Variants in CSMD1 observed in about 807,000 individuals in gnomAD.
CSMD1 encodes the protein CUB and Sushi multiple domains 1, also known as CUB and sushi domain-containing protein 1.
CSMD1 carries 213 observed loss-of-function variants against 417.5 expected under a neutral mutation model. The ratio of observed to expected loss-of-function variants is 0.51; its 90% confidence interval spans 0.46 to 0.57. The LOEUF is 0.57. CSMD1 is among the 20% of genes least tolerant of loss of function. The pLI, the probability that CSMD1 is intolerant of heterozygous loss-of-function variation, is 0.00. For missense variants in CSMD1, 6,923 were observed against 4,529.7 expected (o/e 1.53, Z -15.17); for synonymous variants, 2,862 against 1,736.8 (o/e 1.65, Z -16.11).
chr8:4,904,902 C>A (rs912698581), intron 1 of CSMD1, among the ~76,000 whole-genome samples: 11 of 152,114 alleles, frequency 7.2e-5, no homozygotes, highest in African/African-American at 2.7e-4. Context: ...TGAAAAAGAG[C>A]CTGCAAGCAC....
At chr8:3,389,743 G>A (rs145697976) in intron 17 of CSMD1, among the ~76,000 whole-genome samples, 21 of 152,202 alleles carry the variant, frequency 1.4e-4, no homozygotes, top group African/African-American at 4.1e-4. Flanking sequence ...GAGACAAACT[G>A]CGGTAGAAAT....
intron 2 of CSMD1, among the ~76,000 whole-genome samples, chr8:4,470,356 C>T (rs1161132536): frequency 6.6e-6 from 1 of 152,180 alleles, no homozygotes; most frequent in African/African-American, 2.4e-5. Context: ...TGGTTCAACT[C>T]CCAATGCTTC....
At chr8:4,608,773 G>T (rs537874301) in intron 2 of CSMD1, among the ~76,000 whole-genome samples, 2 of 152,156 alleles carry the variant, frequency 1.3e-5, no homozygotes, top group Middle Eastern at 3.2e-3. Flanking sequence ...TCAGGAGGCT[G>T]GAAAATACCT....
intron 62 of CSMD1, among the ~76,000 whole-genome samples, chr8:2,960,468 T>C (rs948050156): frequency 6.6e-6 from 1 of 152,244 alleles, no homozygotes; most frequent in Non-Finnish European, 1.5e-5. Flanking sequence ...TCCAACCAGA[T>C]AACAGTGAAG....
chr8:4,154,147 T>C (rs1172944535), intron 3 of CSMD1, among the ~76,000 whole-genome samples: 2 of 152,148 alleles, frequency 1.3e-5, no homozygotes. Flanking sequence ...GGGTGAGATA[T>C]ACAATTTTAC....
At chr8:3,931,369 G>A (rs143616041) in intron 5 of CSMD1, among the ~76,000 whole-genome samples, 1,574 of 150,450 alleles carry the variant, frequency 0.01, 107 homozygotes, top group African/African-American at 0.036. Context: ...CATTTCTCAG[G>A]CTTCTATTTG....
intron 3 of CSMD1, among the ~76,000 whole-genome samples, chr8:4,397,290 A>C (rs964922436): frequency 5.3e-5 from 8 of 152,188 alleles, no homozygotes; most frequent in African/African-American, 1.9e-4. Context: ...ACCTAAGCAG[A>C]ACATTGTTTT....
chr8:2,953,455 A>G (rs1273386585), intron 65 of CSMD1, among the ~76,000 whole-genome samples: 1 of 145,008 alleles, frequency 6.9e-6, no homozygotes, highest in Non-Finnish European at 1.5e-5. Context: ...CTTATGTCCA[A>G]AAAAAAAAAA....
At chr8:3,935,455 A>G (rs1432089824) in intron 5 of CSMD1, among the ~76,000 whole-genome samples, 1 of 152,202 alleles carries the variant, frequency 6.6e-6, no homozygotes, top group Non-Finnish European at 1.5e-5. Flanking sequence ...GCAACCCGAC[A>G]TTAAACAGGT....
chr8:3,364,251 C>T (rs968982237), intron 20 of CSMD1, among the ~76,000 whole-genome samples: 2 of 152,268 alleles, frequency 1.3e-5, no homozygotes, highest in African/African-American at 2.4e-5. Context: ...ACTCCTCTAA[C>T]ATACCTGAAG....
At chr8:3,453,134 G>A (rs1428240515) in intron 12 of CSMD1, among the ~76,000 whole-genome samples, 1 of 152,110 alleles carries the variant, frequency 6.6e-6, no homozygotes, top group Non-Finnish European at 1.5e-5. Flanking sequence ...TCTGATGGTA[G>A]TTTGTATTTC....
At chr8:3,767,854 A>G (rs768052239) in intron 5 of CSMD1, among the ~76,000 whole-genome samples, 1 of 152,208 alleles carries the variant, frequency 6.6e-6, no homozygotes, top group African/African-American at 2.4e-5. Flanking sequence ...TGGGTCAGAT[A>G]AATAAATACG....
At chr8:3,206,907 C>A (rs1036282269) in intron 30 of CSMD1, among the ~76,000 whole-genome samples, 1 of 152,028 alleles carries the variant, frequency 6.6e-6, no homozygotes, top group Non-Finnish European at 1.5e-5. Flanking sequence ...CATTATATTT[C>A]TACATGAGAA....
intron 23 of CSMD1, among the ~76,000 whole-genome samples, chr8:3,312,742 C>G (rs1428173431): frequency 6.6e-6 from 1 of 152,114 alleles, no homozygotes; most frequent in Non-Finnish European, 1.5e-5. Context: ...AAGAGTGCTG[C>G]CTCCACCGTT....
intron 5 of CSMD1, among the ~76,000 whole-genome samples, chr8:3,923,997 G>C (rs1027596617): frequency 1.3e-5 from 2 of 152,330 alleles, no homozygotes; most frequent in Admixed American, 6.5e-5. Flanking sequence ...TTACAGGTAA[G>C]TTTTGTGCTT....
At chr8:3,080,106 C>G (rs1400280246) in intron 49 of CSMD1, among the ~76,000 whole-genome samples, 1 of 152,180 alleles carries the variant, frequency 6.6e-6, no homozygotes, top group African/African-American at 2.4e-5. Flanking sequence ...CCACTCCAAG[C>G]AAAAGCCACA....
At chr8:3,922,754 G>A (rs1323729596) in intron 5 of CSMD1, among the ~76,000 whole-genome samples, 1 of 151,734 alleles carries the variant, frequency 6.6e-6, no homozygotes, top group Admixed American at 6.6e-5. Flanking sequence ...AATTATTGTA[G>A]GTATGGTTAT....
At chr8:4,605,729 C>T (rs534594899) in intron 2 of CSMD1, among the ~76,000 whole-genome samples, 11 of 152,242 alleles carry the variant, frequency 7.2e-5, no homozygotes, top group Non-Finnish European at 8.8e-5. Context: ...CTCATATCCA[C>T]GATCTGTGAC....
chr8:4,686,334 T>C lies in CSMD1; in HGVS notation c.86-48776A>G, dbSNP rs147625049. On this transcript the variant is annotated intron_variant, in intron 1 of 69. Coordinates refer to ENST00000635120, the MANE Select transcript of CSMD1 (RefSeq NM_033225.6). ...ATCATGCCATTCCTGATTGATTGGA[T>C]TCAGGACACCCTAACCCTAAATATG... Among the ~76,000 whole-genome samples, 630 of 152,290 alleles carry C rather than the reference T, an allele frequency of 4.1e-3. 5 individuals are homozygous for C. The highest frequency in any genetic ancestry group is 0.015 in the African/African-American group (605 of 41,554).
Sources: allele counts gnomAD v4.1 joint callset (sites outside exome capture counted in the v4.1 genomes callset), GRCh38; gene constraint gnomAD v4.1.1; transcripts MANE v1.5; gene names NCBI Gene and HGNC (gene_info 2026-07-23, HGNC 2026-07-21).